Variants in CDK6 observed in about 807,000 individuals in gnomAD.
CDK6 encodes cyclin dependent kinase 6, also known as cyclin-dependent kinase 6.
In CDK6, 6 loss-of-function variants were observed where a neutral mutation model predicts 37.1. The ratio of observed to expected loss-of-function variants is 0.16; its 90% CI spans 0.09 to 0.32. The LOEUF is 0.32. Among genes scored for constraint, CDK6 ranks in the 10% least tolerant of loss-of-function variants. The pLI is 1.00. For synonymous variants in CDK6, 160 were observed against 161.3 expected, an observed-to-expected ratio of 0.99 and a Z score of 0.06; for missense variants, 224 against 418.9, an observed-to-expected ratio of 0.53 and a Z score of 4.06.
rs954773951 is a variant in CDK6 at position 92,833,808 on chromosome 7, G to A, written c.-367-118C>T. On this transcript the variant is annotated intron_variant, in intron 1 of 7. Transcript: ENST00000424848. The surrounding 1 kb of genome is among the most constrained non-coding windows in gnomAD (Gnocchi z 6.1). ...TACGAAGCCTCCATCGCTACCCTCC[G>A]CGCGCTCCTGCCCTCTCCCAAGCCG... is the stretch of plus-strand genomic sequence containing the variant. 3 of 404,402 alleles carry A rather than the reference G, an allele frequency of 7.4e-6. No individual in the cohort carries two copies. Among genetic ancestry groups the A allele is most frequent in the Non-Finnish European group, 1.3e-5 (3 of 230,580 alleles). 25.1% of individuals were successfully genotyped at this position (404,402 alleles called of 1,614,324 possible).
chr7:92,793,078 C>A (rs939921772), intron 2 of CDK6, among the ~76,000 whole-genome samples: 1 of 151,916 alleles, frequency 6.6e-6, no homozygotes, highest in Non-Finnish European at 1.5e-5. Flanking sequence ...GTGAAAACTA[C>A]AAAACAATAT....
rs912115073 is a variant in CDK6 at position 92,610,569 on chromosome 7, T to C, written c.*4571A>G. The C allele has an allele frequency of 1.3e-5, 3 of 228,270 alleles. No homozygotes were observed. The highest frequency in any genetic ancestry group is 1.7e-5 in the Non-Finnish European group (2 of 115,026). 14.1% of individuals were successfully genotyped at this position (228,270 alleles called of 1,614,324 possible). A position where few individuals can be genotyped will look rare whatever the true frequency, so the allele number is the denominator to read the frequency against. On this transcript the variant is annotated 3_prime_UTR_variant, in exon 8 of 8. Coordinates refer to ENST00000424848, the MANE Select transcript of CDK6 (RefSeq NM_001145306.2). Reference sequence around the variant, plus strand: ...AAGTACAAGATAGAAATGCTTGAGATATAGGGATGTATTAAAATTGGGTTG... The same window carrying C: ...AAGTACAAGATAGAAATGCTTGAGACATAGGGATGTATTAAAATTGGGTTG...
intron 2 of CDK6, among the ~76,000 whole-genome samples, chr7:92,808,619 A>T (rs1305957314): frequency 5.3e-5 from 8 of 152,208 alleles, no homozygotes; most frequent in Admixed American, 4.6e-4. Flanking sequence ...AATGGAGTTA[A>T]ATCCAATGTG....
At chr7:92,736,816 A>C (rs562798508) in intron 3 of CDK6, among the ~76,000 whole-genome samples, 2 of 152,220 alleles carry the variant, frequency 1.3e-5, no homozygotes, top group African/African-American at 4.8e-5. Context: ...TAAGGAGGCT[A>C]TGATACTATT....
intron 4 of CDK6, among the ~76,000 whole-genome samples, chr7:92,723,060 C>T (rs1433224455): frequency 6.6e-6 from 1 of 152,110 alleles, no homozygotes; most frequent in African/African-American, 2.4e-5. Context: ...CCTGTAATCC[C>T]AGCTACTTGG....
chr7:92,625,773 G>T (rs973820833), intron 5 of CDK6, among the ~76,000 whole-genome samples: 1 of 152,170 alleles, frequency 6.6e-6, no homozygotes, highest in Admixed American at 6.5e-5. Context: ...GTGTATACTG[G>T]TATGTCTGTT....
chr7:92,627,378 G>A (rs910799179), intron 5 of CDK6, among the ~76,000 whole-genome samples: 1 of 152,056 alleles, frequency 6.6e-6, no homozygotes, highest in Non-Finnish European at 1.5e-5. Context: ...CTAAGGTGAT[G>A]GCATTAGGAA....
At chr7:92,815,260 C>T (rs1800998171) in intron 2 of CDK6, among the ~76,000 whole-genome samples, 1 of 152,160 alleles carries the variant, frequency 6.6e-6, no homozygotes, top group Non-Finnish European at 1.5e-5. Context: ...TTTTTCCAGC[C>T]ACCCAAAAGT....
chr7:92,760,199 C>T (rs2115720060), intron 3 of CDK6, among the ~76,000 whole-genome samples: 1 of 152,240 alleles, frequency 6.6e-6, no homozygotes, highest in Non-Finnish European at 1.5e-5. Context: ...AGTGAAATTT[C>T]TCCATAGCCC....
chr7:92,820,562 T>C (rs1017144149), intron 2 of CDK6, among the ~76,000 whole-genome samples: 1 of 152,136 alleles, frequency 6.6e-6, no homozygotes, highest in Non-Finnish European at 1.5e-5. Flanking sequence ...GGATAAAATA[T>C]TCTCCTCTTA....
chr7:92,795,955 T>G (rs1026526611), intron 2 of CDK6, among the ~76,000 whole-genome samples: 28 of 152,166 alleles, frequency 1.8e-4, no homozygotes, highest in African/African-American at 6.7e-4. Context: ...TGTCCTACAT[T>G]TAAGTGTTAT....
chr7:92,652,904 A>T (rs1056701764), intron 5 of CDK6, among the ~76,000 whole-genome samples: 2 of 152,220 alleles, frequency 1.3e-5, no homozygotes, highest in Admixed American at 6.5e-5. Flanking sequence ...TACAAATAGA[A>T]ACTGAATCCT....
Position 92,833,625 on chromosome 7 carries a change from A to G in CDK6, c.-302T>C. On this transcript the variant is annotated 5_prime_UTR_variant, in exon 2 of 8. Transcript: ENST00000424848. This position sits in a 1 kb window ranked among gnomAD's most constrained non-coding sequence, Gnocchi z 6.1. ...CCCTCCTCTTCCCTCCTCGAAGCGA[A>G]GTCCTCAACACAGACACGATTACAT... The G allele has an allele frequency of 1.9e-6, 1 of 529,548 alleles. No homozygotes were observed. Among genetic ancestry groups the G allele is most frequent in the East Asian group, 3.3e-5 (1 of 30,568 alleles). 32.8% of individuals were successfully genotyped at this position (529,548 alleles called of 1,614,324 possible).
chr7:92,618,982 T>C (rs764475452), intron 6 of CDK6, among the ~76,000 whole-genome samples: 12 of 152,156 alleles, frequency 7.9e-5, no homozygotes, highest in Non-Finnish European at 1.3e-4. Flanking sequence ...AAGGACAAAT[T>C]ACTTAACATC....
chr7:92,645,060 G>A (rs1260012153), intron 5 of CDK6, among the ~76,000 whole-genome samples: 3 of 152,156 alleles, frequency 2.0e-5, no homozygotes, highest in Admixed American at 1.3e-4. Flanking sequence ...ACCCCCACAC[G>A]CAAAAGCTCT....
At chr7:92,658,761 T>A (rs1245740726) in intron 5 of CDK6, among the ~76,000 whole-genome samples, 1 of 152,182 alleles carries the variant, frequency 6.6e-6, no homozygotes, top group Non-Finnish European at 1.5e-5. Flanking sequence ...TTCGTTTAAA[T>A]TTTTTTAAAA....
intron 4 of CDK6, among the ~76,000 whole-genome samples, chr7:92,687,154 C>T (rs931132276): frequency 2.6e-5 from 4 of 152,142 alleles, no homozygotes; most frequent in African/African-American, 9.7e-5. Flanking sequence ...TGAAAGTCTT[C>T]CAGAATATTC....
intron 4 of CDK6, among the ~76,000 whole-genome samples, chr7:92,692,326 AT>A (rs1797616924): frequency 6.6e-6 from 1 of 152,180 alleles, no homozygotes; most frequent in South Asian, 2.1e-4. Context: ...AATCTGACTG[AT>A]TGGCATTAAC....
At chr7:92,750,012 T>G (rs1261711446) in intron 3 of CDK6, among the ~76,000 whole-genome samples, 1 of 152,210 alleles carries the variant, frequency 6.6e-6, no homozygotes, top group African/African-American at 2.4e-5. Flanking sequence ...TTACTGATTC[T>G]GGGGTAGGTC....
Sources: allele counts gnomAD v4.1 joint callset (sites outside exome capture counted in the v4.1 genomes callset), GRCh38; gene constraint gnomAD v4.1.1; non-coding constraint Gnocchi (gnomAD v3.1); transcripts MANE v1.5; gene names NCBI Gene and HGNC (gene_info 2026-07-23, HGNC 2026-07-21).